The following LOXL2 variants were observed in gnomAD, a reference collection of about 807,000 sequenced individuals.
The protein encoded by LOXL2 is lysyl oxidase homolog 2.
A neutral mutation model predicts 93.0 loss-of-function variants in LOXL2; 70 were observed. The observed-to-expected ratio is 0.75, with a 90% CI of 0.62 to 0.92. The LOEUF is 0.92. Ranked by LOEUF, LOXL2 falls within the 40% of genes least tolerant of loss-of-function variation. The pLI is 0.00. For missense variants in LOXL2, 973 were observed against 1,054.9 expected (o/e 0.92, Z 1.08); for synonymous variants, 438 against 413.2 (o/e 1.06, Z -0.73).
At chr8:23,390,397 C>T (rs1804823595) in intron 1 of LOXL2, among the ~76,000 whole-genome samples, 1 of 152,224 alleles carries the variant, frequency 6.6e-6, no homozygotes, top group South Asian at 2.1e-4. Flanking sequence ...CCACTTGGCC[C>T]CTGGCCAAAG....
intron 1 of LOXL2, among the ~76,000 whole-genome samples, chr8:23,376,074 T>C (rs1804584056): frequency 6.6e-6 from 1 of 152,106 alleles, no homozygotes; most frequent in African/African-American, 2.4e-5. Flanking sequence ...GGGCTGTGGG[T>C]TTGTCATGAA....
At chr8:23,305,092 G>C (rs1356090426) in intron 10 of LOXL2, among the ~76,000 whole-genome samples, 2 of 152,172 alleles carry the variant, frequency 1.3e-5, no homozygotes, top group African/African-American at 2.4e-5. Flanking sequence ...CTTTGAGAAA[G>C]TCTATTTTGG....
chr8:23,380,221 C>T lies in LOXL2; in HGVS notation c.-83-11787G>A, dbSNP rs193056662. On this transcript the variant is annotated intron_variant, in intron 1 of 13. Coordinates refer to ENST00000389131, the MANE Select transcript of LOXL2 (RefSeq NM_002318.3). The stretch of plus-strand genomic sequence containing the variant: ...CATCCTGGCCAACATGGTGAAACTC[C>T]ATCTCTACTAAAAATACAAAAATTA... Among the ~76,000 whole-genome samples, 27 of 152,130 alleles carry T rather than the reference C, an allele frequency of 1.8e-4. No homozygotes were observed. The East Asian group carries it at 5.2e-3, about 29-fold the overall frequency.
chr8:23,350,084 T>C (rs1027202070), intron 3 of LOXL2, among the ~76,000 whole-genome samples: 1 of 151,940 alleles, frequency 6.6e-6, no homozygotes, highest in Non-Finnish European at 1.5e-5. Flanking sequence ...CCTAACACCC[T>C]CTCCCCTTTT....
intron 1 of LOXL2, among the ~76,000 whole-genome samples, chr8:23,402,086 A>G (rs538373860): frequency 6.6e-6 from 1 of 152,074 alleles, no homozygotes; most frequent in African/African-American, 2.4e-5. Context: ...ACACATACAC[A>G]TGCAAACATG....
chr8:23,402,589 C>T (rs1800166056), intron 1 of LOXL2: 1 of 152,198 alleles, frequency 6.6e-6, no homozygotes. Flanking sequence ...CCAACCCTGA[C>T]CATTAAGTAC....
At chr8:23,320,078 T>A in intron 7 of LOXL2, 26 bp from the exon 8 acceptor site, 1 of 1,611,914 alleles carries the variant, frequency 6.2e-7, no homozygotes. Context: ...CAGGCCACGG[T>A]CACCAAGAGG....
At chr8:23,366,748 G>A (rs55707694) in intron 2 of LOXL2, among the ~76,000 whole-genome samples, 21,481 of 152,266 alleles carry the variant, frequency 0.14, 1,937 homozygotes, top group Non-Finnish European at 0.19. Context: ...TCAGCCGGGC[G>A]GGAGGGTGTG....
At chr8:23,366,060 C>T (rs2117211346) in intron 2 of LOXL2, 1 of 152,306 alleles carries the variant, frequency 6.6e-6, no homozygotes, top group Non-Finnish European at 1.5e-5. Context: ...AACCACAACC[C>T]CCTTGTCTGA....
chr8:23,338,419 G>A (rs898330195), intron 4 of LOXL2, among the ~76,000 whole-genome samples: 1 of 151,988 alleles, frequency 6.6e-6, no homozygotes. Flanking sequence ...CAGCAGCGGG[G>A]TGGGGGGGCC....
intron 1 of LOXL2, among the ~76,000 whole-genome samples, chr8:23,371,629 G>A (rs1804496770): frequency 1.3e-5 from 2 of 151,552 alleles, no homozygotes; most frequent in Non-Finnish European, 2.9e-5. Flanking sequence ...GCGGGCACCT[G>A]TAGTCCCAGC....
chr8:23,322,894 C>T (rs1374388022), intron 6 of LOXL2, among the ~76,000 whole-genome samples: 4 of 152,218 alleles, frequency 2.6e-5, no homozygotes, highest in Non-Finnish European at 4.4e-5. Flanking sequence ...CCCCGAAGAG[C>T]TCCCAGTTCC....
intron 12 of LOXL2, 28 bp downstream of exon 12, chr8:23,301,999 G>A (rs1040485003): frequency 1.2e-6 from 2 of 1,613,194 alleles, no homozygotes; most frequent in Non-Finnish European, 1.7e-6. Context: ...CCCCCTGCAG[G>A]GCTGGAACCC....
chr8:23,343,540 C>T (rs559388622), intron 3 of LOXL2, among the ~76,000 whole-genome samples: 13 of 152,342 alleles, frequency 8.5e-5, no homozygotes, highest in African/African-American at 2.6e-4. Context: ...AAATGAACCA[C>T]GAGTTTGAAC....
At chr8:23,328,738 T>TGTCGTGG (rs1803629229) in intron 5 of LOXL2, 173 bp from the exon 6 acceptor site, 2 of 632,264 alleles carry the variant, frequency 3.2e-6, no homozygotes, top group Non-Finnish European at 5.6e-6. Context: ...TGTGTGTGTG[T>TGTCGTGG]GTGTGTGTCG....
intron 1 of LOXL2, among the ~76,000 whole-genome samples, chr8:23,401,261 A>T (rs1800148617): frequency 6.6e-6 from 1 of 152,244 alleles, no homozygotes; most frequent in South Asian, 2.1e-4. Flanking sequence ...GAAAGGAAGA[A>T]CATAACAATA....
intron 1 of LOXL2, among the ~76,000 whole-genome samples, chr8:23,369,332 C>T (rs1345396914): frequency 6.6e-6 from 1 of 152,096 alleles, no homozygotes; most frequent in Non-Finnish European, 1.5e-5. Flanking sequence ...CTTGGTCCTC[C>T]CGTAATTCAG....
At chr8:23,325,024 T>C (rs1803553155) in intron 6 of LOXL2, among the ~76,000 whole-genome samples, 1 of 152,316 alleles carries the variant, frequency 6.6e-6, no homozygotes, top group African/African-American at 2.4e-5. Flanking sequence ...TGCATGTGGC[T>C]ATTGAGCACT....
intron 9 of LOXL2, among the ~76,000 whole-genome samples, chr8:23,315,926 C>T (rs1205666851): frequency 2.0e-5 from 3 of 152,188 alleles, no homozygotes; most frequent in East Asian, 1.9e-4. Flanking sequence ...AAAAGGCCCC[C>T]GACAGGGAAG....
Sources: gnomAD v4.1 joint callset for allele counts (sites outside exome capture counted in the v4.1 genomes callset) on GRCh38, gnomAD v4.1.1 for gene constraint, MANE v1.5 for transcripts, NCBI Gene and HGNC (gene_info 2026-07-23, HGNC 2026-07-21) for gene names.